The following RYR2 variants were observed in gnomAD, a reference collection of about 807,000 sequenced individuals.
RYR2 encodes ryanodine receptor 2.
In RYR2, 227 loss-of-function variants were observed where a neutral mutation model predicts 601.1. That is an observed-to-expected ratio of 0.38 (90% CI 0.34 to 0.42). The LOEUF (loss-of-function observed/expected upper bound fraction) is 0.42. RYR2 is among the 10% of genes least tolerant of loss of function. The pLI is 1.00. For synonymous variants in RYR2, 2,223 were observed against 2,175.1 expected, an observed-to-expected ratio of 1.02 and a Z score of -0.61; for missense variants, 4,646 against 6,156.5, an observed-to-expected ratio of 0.75 and a Z score of 8.21.
intron 1 of RYR2, among the ~76,000 whole-genome samples, chr1:237,086,026 A>T (rs534144016): frequency 6.6e-6 from 1 of 152,332 alleles, no homozygotes; most frequent in Admixed American, 6.5e-5. Context: ...AAGTGCTGGG[A>T]TTATAGGCGT....
At chr1:237,355,792 G>T (rs1030805845) in intron 3 of RYR2, among the ~76,000 whole-genome samples, 173 bp from the exon 4 acceptor site, 1 of 151,984 alleles carries the variant, frequency 6.6e-6, no homozygotes, top group African/African-American at 2.4e-5. Context: ...TTTTTGTTTG[G>T]TGAGATTAAA....
At chr1:237,107,076 T>C (rs1293516558) in intron 1 of RYR2, among the ~76,000 whole-genome samples, 1 of 152,130 alleles carries the variant, frequency 6.6e-6, no homozygotes, top group Non-Finnish European at 1.5e-5. Context: ...AATAAAAGGC[T>C]GGAGGGCTAA....
At chr1:237,532,160 A>T (rs1668198128) in intron 25 of RYR2, among the ~76,000 whole-genome samples, 1 of 152,136 alleles carries the variant, frequency 6.6e-6, no homozygotes, top group African/African-American at 2.4e-5. Context: ...GCTCAAAACA[A>T]CATAAATTGT....
chr1:237,282,878 C>T (rs1349190012), intron 2 of RYR2, among the ~76,000 whole-genome samples: 1 of 152,178 alleles, frequency 6.6e-6, no homozygotes, highest in Non-Finnish European at 1.5e-5. Context: ...CCCAAGTGTT[C>T]TGCTGAGGGG....
chr1:237,807,405 C>T (rs752246090), intron 99 of RYR2, among the ~76,000 whole-genome samples: 14 of 152,160 alleles, frequency 9.2e-5, no homozygotes, highest in Non-Finnish European at 2.1e-4. Context: ...GGCTGGAATG[C>T]GGCGGCGCGA....
chr1:237,493,254 G>A (rs1323377734), intron 19 of RYR2, among the ~76,000 whole-genome samples, 167 bp downstream of exon 19: 1 of 151,930 alleles, frequency 6.6e-6, no homozygotes, highest in Admixed American at 6.5e-5. Context: ...AATCAGATGG[G>A]CTAATAATAA....
At chr1:237,510,754 G>T (rs1005512435) in intron 23 of RYR2, among the ~76,000 whole-genome samples, 1 of 152,216 alleles carries the variant, frequency 6.6e-6, no homozygotes, top group South Asian at 2.1e-4. Context: ...CGTTAATGCC[G>T]ATGCGATTTA....
intron 1 of RYR2, among the ~76,000 whole-genome samples, chr1:237,200,421 T>G (rs1417616322): frequency 1.3e-5 from 2 of 152,070 alleles, no homozygotes; most frequent in Non-Finnish European, 2.9e-5. Flanking sequence ...CCCACCACCA[T>G]GCCTGGCTAA....
intron 2 of RYR2, among the ~76,000 whole-genome samples, chr1:237,316,106 A>G (rs78108904): frequency 0.028 from 4,284 of 152,294 alleles, 91 homozygotes; most frequent in Non-Finnish European, 0.045. Flanking sequence ...GAACATTACC[A>G]AGTAAAATAA....
intron 4 of RYR2, 125 bp from the exon 5 acceptor site, chr1:237,364,233 T>TA (rs1700015917): frequency 1.3e-6 from 1 of 769,726 alleles, no homozygotes; most frequent in Non-Finnish European, 2.0e-6. Flanking sequence ...TGTTTTTTTT[T>TA]ATGTTTATTG....
At chr1:237,297,176 CAGAAGGAAAA>C (rs936874735) in intron 2 of RYR2, among the ~76,000 whole-genome samples, 2 of 151,918 alleles carry the variant, frequency 1.3e-5, no homozygotes, top group African/African-American at 4.8e-5. Flanking sequence ...TATGGGGAAG[CAGAAGGAAAA>C]AATAAAACTA....
intron 16 of RYR2, among the ~76,000 whole-genome samples, chr1:237,462,479 A>T (rs1010034205): frequency 1.3e-5 from 2 of 152,172 alleles, no homozygotes; most frequent in Admixed American, 6.5e-5. Flanking sequence ...TCTGACATCC[A>T]CACGATTAAT....
At chr1:237,740,333 C>A (rs1255355775) in intron 79 of RYR2, among the ~76,000 whole-genome samples, 2 of 152,128 alleles carry the variant, frequency 1.3e-5, no homozygotes, top group Non-Finnish European at 2.9e-5. Flanking sequence ...CAGATACAGT[C>A]TGTACACCAA....
chr1:237,773,701 G>T, intron 87 of RYR2, 53 bp downstream of exon 87: 1 of 1,514,626 alleles, frequency 6.6e-7, no homozygotes, highest in Non-Finnish European at 9.1e-7. Flanking sequence ...ATAGAAAAAT[G>T]CAGTATATCT....
chr1:237,743,873 T>C (rs1691830369), intron 80 of RYR2, among the ~76,000 whole-genome samples: 1 of 152,248 alleles, frequency 6.6e-6, no homozygotes, highest in African/African-American at 2.4e-5. Flanking sequence ...AGCTGCATAC[T>C]GTGCTGGGAT....
chr1:237,500,669 T>C (rs1558926155), intron 20 of RYR2, 42 bp from the exon 21 acceptor site: 1 of 1,511,282 alleles, frequency 6.6e-7, no homozygotes, highest in East Asian at 2.3e-5. Context: ...TTCTCTGAGA[T>C]AAAAAAATAC....
intron 29 of RYR2, among the ~76,000 whole-genome samples, chr1:237,581,285 T>TC (rs1388271204): frequency 6.6e-6 from 1 of 152,162 alleles, no homozygotes; most frequent in Non-Finnish European, 1.5e-5. Flanking sequence ...CAAGTAAAGA[T>TC]CATCTCAGAG....
chr1:237,190,803 C>A (rs78560056), intron 1 of RYR2, among the ~76,000 whole-genome samples: 6,507 of 152,228 alleles, frequency 0.043, 443 homozygotes, highest in African/African-American at 0.14. Context: ...TGGAACCAGT[C>A]CTCTGAAGAT....
intron 12 of RYR2, among the ~76,000 whole-genome samples, chr1:237,432,942 G>C (rs527402024): frequency 2.0e-5 from 3 of 147,870 alleles, no homozygotes; most frequent in African/African-American, 7.5e-5. Context: ...TCAGAAGTTT[G>C]TAGATACCAA....
Sources: allele counts gnomAD v4.1 joint callset (sites outside exome capture counted in the v4.1 genomes callset), GRCh38; gene constraint gnomAD v4.1.1; transcripts MANE v1.5; gene names NCBI Gene and HGNC (gene_info 2026-07-23, HGNC 2026-07-21).